The following RAD21 variants were observed in gnomAD, a reference collection of about 807,000 sequenced individuals.
RAD21 encodes RAD21 cohesin complex component.
A neutral mutation model predicts 71.5 loss-of-function variants in RAD21; 18 were observed. The ratio of observed to expected loss-of-function variants is 0.25; its 90% CI spans 0.17 to 0.37. RAD21 has a LOEUF of 0.37. Ranked by LOEUF, RAD21 falls within the 10% of genes least tolerant of loss-of-function variation. The probability of loss-of-function intolerance (pLI) is 1.00; values close to 1 mark genes in which losing one functional copy is unlikely to be tolerated. For missense variants in RAD21, 493 were observed against 769.1 expected (o/e 0.64, Z 4.25); for synonymous variants, 248 against 254.0 (o/e 0.98, Z 0.22).
chr8:116,854,740 A>T (rs1418467401), intron 8 of RAD21, among the ~76,000 whole-genome samples: 2 of 152,176 alleles, frequency 1.3e-5, no homozygotes, highest in Non-Finnish European at 2.9e-5. Flanking sequence ...AAGGGCCAAC[A>T]CATTTTTGCC....
At chr8:116,867,130 G>C (rs16889050) in intron 1 of RAD21, 20,795 of 153,878 alleles carry the variant, frequency 0.14, 1,772 homozygotes, top group Admixed American at 0.21. Context: ...AGATACTCAG[G>C]CACAGATAAA....
chr8:116,849,022 T>A lies in RAD21; in HGVS notation c.1628A>T (p.Asp543Val). The change falls in exon 13 of 14, where the codon GAT becomes GTT. Residue 543 changes from aspartate to valine, a missense_variant. Physicochemically the swap from Asp to Val is radical, Grantham distance 152. Transcript: ENST00000297338. The part of the protein sequence containing the change: ...KEDDEEEEDE[D>V]ASGGDQDQEE... Reference sequence around the variant, plus strand: ...CTGATCTTGATCGCCCCCTGATGCATCTTCATCCTGAATAAAAATGACCCC... The same window carrying A: ...CTGATCTTGATCGCCCCCTGATGCAACTTCATCCTGAATAAAAATGACCCC... 6.3e-7 allele frequency: 1 copy of A among 1,581,166 alleles called. No homozygotes were observed. Among genetic ancestry groups the A allele is most frequent in the Non-Finnish European group, 8.6e-7 (1 of 1,166,734 alleles).
intron 4 of RAD21, among the ~76,000 whole-genome samples, chr8:116,861,357 C>T (rs563102675): frequency 6.6e-6 from 1 of 151,314 alleles, no homozygotes; most frequent in African/African-American, 2.4e-5. Flanking sequence ...CTGTGTAACT[C>T]TCTCCTCTCA....
intron 9 of RAD21, 107 bp downstream of exon 9, chr8:116,854,138 C>T: frequency 1.2e-6 from 1 of 843,964 alleles, no homozygotes. Flanking sequence ...GAAAATGTGC[C>T]ATACAGTTGC....
At position 116,874,687 on chromosome 8, in the gene RAD21, G is replaced by T; in HGVS notation, c.-109C>A. On this transcript the variant is annotated 5_prime_UTR_variant, in exon 1 of 14. Coordinates refer to ENST00000297338, the MANE Select transcript of RAD21 (RefSeq NM_006265.3). ...GGGTCGGGGGAGGGGGTGGGGAAAG[G>T]GGGGAGCCCTTGCGAGGTGTAGCTT... 4.8e-6 allele frequency: 2 copies of T among 417,800 alleles called. No individual in the cohort carries two copies. Among genetic ancestry groups the T allele is most frequent in the South Asian group, 3.5e-5 (2 of 57,406 alleles). 25.9% of individuals were successfully genotyped at this position (417,800 alleles called of 1,614,324 possible).
intron 2 of RAD21, among the ~76,000 whole-genome samples, chr8:116,864,090 G>A (rs957104672): frequency 9.2e-5 from 14 of 151,458 alleles, no homozygotes; most frequent in African/African-American, 3.1e-4. Context: ...ACCTTTTTTC[G>A]AGGCAGATCT....
intron 4 of RAD21, among the ~76,000 whole-genome samples, chr8:116,860,094 G>A (rs571563269): frequency 1.3e-5 from 2 of 152,230 alleles, no homozygotes; most frequent in East Asian, 3.9e-4. Flanking sequence ...CAGATATGGT[G>A]GAAAAAGCAA....
Position 116,851,120 on chromosome 8 carries a change from G to T in RAD21, c.1471-353C>A, listed in dbSNP as rs948915292. The T allele has an allele frequency of 1.9e-5, 3 of 156,564 alleles. No homozygotes were observed. The South Asian group carries it at 5.9e-4, about 31-fold the overall frequency. The allele number at this position is 156,564 out of a possible 1,614,324, so 9.7% of individuals were successfully genotyped here. A position where few individuals can be genotyped will look rare whatever the true frequency, so the allele number is the denominator to read the frequency against. ...TCTCTGAGAGTCTTGAATGTCTCAC[G>T]GCAGCAAATAATAGGAGTGAGGACA... On this transcript the variant is annotated intron_variant, in intron 11 of 13. Transcript: ENST00000297338.
At chr8:116,857,239 T>C in intron 6 of RAD21, 28 bp downstream of exon 6, 1 of 1,574,874 alleles carries the variant, frequency 6.3e-7, no homozygotes, top group Non-Finnish European at 8.7e-7. Context: ...ATTCTGTTTA[T>C]GCTGGAATAA....
chr8:116,863,311 T>C (rs750209083), intron 2 of RAD21, 52 bp from the exon 3 acceptor site: 11 of 1,552,472 alleles, frequency 7.1e-6, no homozygotes, highest in East Asian at 2.3e-5. Flanking sequence ...GTGCCATTCA[T>C]AGTCTTCTTT....
chr8:116,867,751 TAG>T (rs1442896735), intron 1 of RAD21, among the ~76,000 whole-genome samples: 5 of 152,218 alleles, frequency 3.3e-5, no homozygotes, highest in Admixed American at 6.5e-5. Context: ...TAATTTGAAA[TAG>T]AGTCACAGGG....
intron 5 of RAD21, among the ~76,000 whole-genome samples, 155 bp from the exon 6 acceptor site, chr8:116,857,628 G>C (rs181929401): frequency 2.0e-4 from 30 of 152,254 alleles, no homozygotes; most frequent in African/African-American, 7.0e-4. Flanking sequence ...TAATTCTTTA[G>C]CATCTGAATT....
intron 8 of RAD21, among the ~76,000 whole-genome samples, chr8:116,855,368 C>T (rs887641806): frequency 3.3e-5 from 5 of 151,936 alleles, no homozygotes. Context: ...TTTTATATCC[C>T]CATTATCTCA....
At chr8:116,873,480 C>A (rs1340464628) in intron 1 of RAD21, among the ~76,000 whole-genome samples, 2 of 152,170 alleles carry the variant, frequency 1.3e-5, no homozygotes, top group Non-Finnish European at 2.9e-5. Flanking sequence ...ACTCGCACTG[C>A]CCGCTGGCAT....
chr8:116,856,294 A>T lies in RAD21; in HGVS notation c.815-6T>A, dbSNP rs758435919. ...AGGACTATCAGGCCCACCCACTGTA[A>T]AAAAAAAAAAAAAAAAAAAAAGTCA... On this transcript the variant is annotated splice_polypyrimidine_tract_variant and splice_region_variant and intron_variant, in intron 7 of 13. Coordinates refer to ENST00000297338, the MANE Select transcript of RAD21 (RefSeq NM_006265.3). The T allele has an allele frequency of 1.1e-4, 18 of 161,626 alleles. No individual in the cohort carries two copies. The highest frequency in any genetic ancestry group is 4.2e-4 in the Admixed American group (6 of 14,248). The allele number at this position is 161,626 out of a possible 1,614,324, so 10.0% of individuals were successfully genotyped here.
intron 11 of RAD21, 71 bp from the exon 12 acceptor site, chr8:116,850,838 C>A: frequency 2.8e-6 from 3 of 1,090,906 alleles, no homozygotes; most frequent in Non-Finnish European, 4.0e-6. Context: ...TATGAAAATA[C>A]ACAGTGGCTG....
At chr8:116,852,784 T>C in intron 9 of RAD21, 76 bp from the exon 10 acceptor site, 1 of 1,088,504 alleles carries the variant, frequency 9.2e-7, no homozygotes, top group Non-Finnish European at 1.2e-6. Flanking sequence ...ATTTCTATCT[T>C]CCAAAGGTAT....
At chr8:116,855,102 C>T (rs1425192249) in intron 8 of RAD21, among the ~76,000 whole-genome samples, 1 of 151,992 alleles carries the variant, frequency 6.6e-6, no homozygotes, top group Non-Finnish European at 1.5e-5. Flanking sequence ...TTCACCCTGT[C>T]AGACATACCC....
intron 12 of RAD21, chr8:116,849,292 G>A (rs1812306066): frequency 5.5e-6 from 2 of 365,912 alleles, no homozygotes; most frequent in Non-Finnish European, 9.7e-6. Flanking sequence ...CTATAAGGAT[G>A]CTATCTACAC....
Sources: gnomAD v4.1 joint callset for allele counts (sites outside exome capture counted in the v4.1 genomes callset) on GRCh38, gnomAD v4.1.1 for gene constraint, MANE v1.5 for transcripts, NCBI Gene and HGNC (gene_info 2026-07-23, HGNC 2026-07-21) for gene names.